The following IFTAP variants were observed in gnomAD, a reference collection of about 807,000 sequenced individuals.
The protein encoded by IFTAP is intraflagellar transport associated protein.
Under a neutral mutation model 19.4 loss-of-function variants are expected in IFTAP, and 19 were observed. The ratio of observed to expected loss-of-function variants is 0.98; its 90% CI spans 0.68 to 1.44. The LOEUF is 1.44. Among genes scored for constraint, IFTAP ranks in the 40% most tolerant of loss-of-function variants. The pLI is 0.00. For synonymous variants in IFTAP, 85 were observed against 83.5 expected, an observed-to-expected ratio of 1.02 and a Z score of -0.10; for missense variants, 240 against 253.6, an observed-to-expected ratio of 0.95 and a Z score of 0.36.
chr11:36,651,808 G>A (rs1853743281), intron 5 of IFTAP, among the ~76,000 whole-genome samples: 1 of 152,124 alleles, frequency 6.6e-6, no homozygotes, highest in Non-Finnish European at 1.5e-5. Flanking sequence ...ATTTAATAGG[G>A]AATCCTTTCC....
intron 5 of IFTAP, among the ~76,000 whole-genome samples, chr11:36,657,221 A>G (rs1441477175): frequency 6.6e-6 from 1 of 152,184 alleles, no homozygotes; most frequent in Non-Finnish European, 1.5e-5. Context: ...TGCAGGCCTC[A>G]GTACTTACTG....
intron 2 of IFTAP, among the ~76,000 whole-genome samples, chr11:36,631,558 C>T (rs771266942): frequency 6.6e-6 from 1 of 151,160 alleles, no homozygotes; most frequent in Admixed American, 6.6e-5. Flanking sequence ...ATGAATCTCA[C>T]TGATTTTGAT....
chr11:36,641,476 C>G (rs1853194551), intron 4 of IFTAP, among the ~76,000 whole-genome samples: 1 of 151,832 alleles, frequency 6.6e-6, no homozygotes, highest in Non-Finnish European at 1.5e-5. Flanking sequence ...TTAGAAGTTG[C>G]CTGTTCTCAT....
At chr11:36,652,142 C>T (rs1180645063) in intron 5 of IFTAP, among the ~76,000 whole-genome samples, 1 of 152,148 alleles carries the variant, frequency 6.6e-6, no homozygotes, top group Non-Finnish European at 1.5e-5. Context: ...TTACCTTGAG[C>T]AGTATGACCA....
At chr11:36,638,583 G>A (rs1853059777) in intron 4 of IFTAP, among the ~76,000 whole-genome samples, 1 of 152,210 alleles carries the variant, frequency 6.6e-6, no homozygotes, top group Admixed American at 6.5e-5. Flanking sequence ...TTGGTGCCAA[G>A]GCGAATTTTA....
chr11:36,625,783 GA>G (rs1852486720), intron 2 of IFTAP, among the ~76,000 whole-genome samples: 1 of 152,160 alleles, frequency 6.6e-6, no homozygotes, highest in Non-Finnish European at 1.5e-5. Flanking sequence ...ACAGTATAGG[GA>G]ATCATGAGTG....
chr11:36,657,946 G>A (rs958546351), intron 5 of IFTAP, among the ~76,000 whole-genome samples: 11 of 152,176 alleles, frequency 7.2e-5, no homozygotes, highest in African/African-American at 2.2e-4. Flanking sequence ...ATGGCTGAGC[G>A]TTTGCTATTA....
intron 2 of IFTAP, among the ~76,000 whole-genome samples, chr11:36,616,588 G>A (rs1852100176): frequency 6.6e-6 from 1 of 151,918 alleles, no homozygotes; most frequent in Non-Finnish European, 1.5e-5. Context: ...CCGTTGAATA[G>A]GTTTCAGTTT....
At chr11:36,636,229 C>T (rs1044176124) in intron 4 of IFTAP, 112 bp downstream of exon 4, 6 of 746,958 alleles carry the variant, frequency 8.0e-6, no homozygotes, top group Non-Finnish European at 1.3e-5. Context: ...TCTCCTAAGA[C>T]AGGAAGAACT....
intron 3 of IFTAP, among the ~76,000 whole-genome samples, chr11:36,634,504 CA>C (rs923877937): frequency 1.6e-4 from 25 of 152,220 alleles, no homozygotes; most frequent in African/African-American, 6.0e-4. Context: ...AGCTAATTAA[CA>C]AAAACGGGAA....
chr11:36,644,726 ATT>A (rs1329471255), intron 4 of IFTAP, among the ~76,000 whole-genome samples: 1 of 151,910 alleles, frequency 6.6e-6, no homozygotes. Flanking sequence ...GGAAACCATC[ATT>A]CTCAGCAAAC....
At chr11:36,617,177 TTTTA>T (rs1473667226) in intron 2 of IFTAP, among the ~76,000 whole-genome samples, 3 of 149,436 alleles carry the variant, frequency 2.0e-5, no homozygotes, top group Non-Finnish European at 4.5e-5. Context: ...TGATATTACT[TTTTA>T]TTTGTATATT....
intron 4 of IFTAP, among the ~76,000 whole-genome samples, chr11:36,644,589 G>A (rs1853391206): frequency 6.6e-6 from 1 of 151,988 alleles, no homozygotes; most frequent in Admixed American, 6.6e-5. Flanking sequence ...GCAAAGAGTT[G>A]GAACCAACCC....
chr11:36,626,390 T>C (rs1375065967), intron 2 of IFTAP, among the ~76,000 whole-genome samples: 1 of 151,360 alleles, frequency 6.6e-6, no homozygotes, highest in South Asian at 2.1e-4. Context: ...ATGTTTCTTA[T>C]AAGCAGAGGC....
intron 2 of IFTAP, among the ~76,000 whole-genome samples, chr11:36,612,881 T>C (rs1357852199): frequency 6.6e-6 from 1 of 152,056 alleles, no homozygotes; most frequent in Non-Finnish European, 1.5e-5. Context: ...TGCCTCAGAC[T>C]CTTGGAAAAC....
chr11:36,612,807 C>T (rs536322258), intron 2 of IFTAP, among the ~76,000 whole-genome samples: 1 of 152,060 alleles, frequency 6.6e-6, no homozygotes, highest in Non-Finnish European at 1.5e-5. Context: ...GGTCAGTAAT[C>T]CTATTAAAAA....
intron 2 of IFTAP, among the ~76,000 whole-genome samples, chr11:36,615,883 T>G (rs11827987): frequency 6.6e-6 from 1 of 151,634 alleles, no homozygotes; most frequent in Non-Finnish European, 1.5e-5. Context: ...TTGACTTCCT[T>G]TTTTCCTAAT....
intron 5 of IFTAP, among the ~76,000 whole-genome samples, chr11:36,650,677 G>C (rs1853682079): frequency 1.3e-5 from 2 of 151,920 alleles, no homozygotes; most frequent in Admixed American, 6.6e-5. Context: ...TTTACATTAG[G>C]CATATCTCCT....
intron 1 of IFTAP, among the ~76,000 whole-genome samples, chr11:36,600,822 G>T (rs1851482899): frequency 6.6e-6 from 1 of 152,096 alleles, no homozygotes; most frequent in Non-Finnish European, 1.5e-5. Flanking sequence ...TAAAAACTTA[G>T]TAATGGGATA....
Sources: allele counts gnomAD v4.1 joint callset (sites outside exome capture counted in the v4.1 genomes callset), GRCh38; gene constraint gnomAD v4.1.1; transcripts MANE v1.5; gene names NCBI Gene and HGNC (gene_info 2026-07-23, HGNC 2026-07-21).